The following ASIC2 variants were observed in gnomAD, a reference collection of about 807,000 sequenced individuals.
ASIC2 encodes the protein acid sensing ion channel subunit 2.
ASIC2 carries 25 observed loss-of-function variants against 57.3 expected under a neutral mutation model. The observed-to-expected ratio is 0.44, with a 90% CI of 0.32 to 0.61. ASIC2 has a LOEUF of 0.61. Ranked by LOEUF, ASIC2 falls within the 20% of genes least tolerant of loss-of-function variation. ASIC2 has a pLI of 0.06. For synonymous variants in ASIC2, 319 were observed against 307.5 expected, an observed-to-expected ratio of 1.04 and a Z score of -0.39; for missense variants, 641 against 738.1, an observed-to-expected ratio of 0.87 and a Z score of 1.52.
At chr17:33,796,621 C>T (rs1300826861) in intron 1 of ASIC2, among the ~76,000 whole-genome samples, 1 of 152,202 alleles carries the variant, frequency 6.6e-6, no homozygotes, top group Non-Finnish European at 1.5e-5. Context: ...TAACAACAGA[C>T]ACTCACACAT....
At chr17:33,610,757 C>T (rs973398826) in intron 1 of ASIC2, among the ~76,000 whole-genome samples, 3 of 151,814 alleles carry the variant, frequency 2.0e-5, no homozygotes, top group Non-Finnish European at 2.9e-5. Flanking sequence ...ATTAACCAGG[C>T]GTGGTGGTAC....
chr17:33,469,665 G>A (rs1013107345), intron 1 of ASIC2, among the ~76,000 whole-genome samples: 6 of 152,178 alleles, frequency 3.9e-5, no homozygotes, highest in Admixed American at 3.3e-4. Flanking sequence ...AGGAACAAGA[G>A]CTCCTGGAAT....
intron 1 of ASIC2, among the ~76,000 whole-genome samples, chr17:33,514,900 G>A (rs1914521741): frequency 6.6e-6 from 1 of 152,126 alleles, no homozygotes; most frequent in African/African-American, 2.4e-5. Flanking sequence ...GTCATCCCGT[G>A]TTATCCCCTG....
chr17:33,666,736 C>T (rs1445963412), intron 1 of ASIC2, among the ~76,000 whole-genome samples: 1 of 152,162 alleles, frequency 6.6e-6, no homozygotes, highest in Non-Finnish European at 1.5e-5. Context: ...GAGCAGAAAC[C>T]ATCCTATCTC....
At chr17:33,572,915 T>C (rs1916497852) in intron 1 of ASIC2, among the ~76,000 whole-genome samples, 1 of 152,222 alleles carries the variant, frequency 6.6e-6, no homozygotes, top group African/African-American at 2.4e-5. Flanking sequence ...GCACACTGCC[T>C]GTGACCTCAT....
chr17:33,423,246 C>G (rs1911105217), intron 1 of ASIC2, among the ~76,000 whole-genome samples: 1 of 152,098 alleles, frequency 6.6e-6, no homozygotes, highest in Non-Finnish European at 1.5e-5. Flanking sequence ...TTTAAATGTT[C>G]ACTGGGGATT....
intron 1 of ASIC2, among the ~76,000 whole-genome samples, chr17:33,621,437 G>A (rs1355249224): frequency 6.6e-6 from 1 of 152,228 alleles, no homozygotes; most frequent in African/African-American, 2.4e-5. Flanking sequence ...AGTCGCAGAT[G>A]TGTAAGGTCC....
At chr17:33,558,406 T>A (rs959209954) in intron 1 of ASIC2, among the ~76,000 whole-genome samples, 1 of 152,228 alleles carries the variant, frequency 6.6e-6, no homozygotes, top group Non-Finnish European at 1.5e-5. Flanking sequence ...TTCTGGCTGA[T>A]GACCTTGAAC....
intron 1 of ASIC2, among the ~76,000 whole-genome samples, chr17:33,284,049 A>G (rs1029629138): frequency 6.6e-6 from 1 of 152,238 alleles, no homozygotes; most frequent in Non-Finnish European, 1.5e-5. Flanking sequence ...AAATAAAATA[A>G]TGAATGTAAA....
chr17:33,372,494 C>T (rs1420809107), intron 1 of ASIC2, among the ~76,000 whole-genome samples: 2 of 152,164 alleles, frequency 1.3e-5, no homozygotes, highest in African/African-American at 4.8e-5. Flanking sequence ...GGGTGAGGGG[C>T]TGGTGGCCAC....
At chr17:34,132,383 G>A (rs529192388) in intron 1 of ASIC2, among the ~76,000 whole-genome samples, 78 of 152,278 alleles carry the variant, frequency 5.1e-4, no homozygotes, top group Non-Finnish European at 9.3e-4. Context: ...TAGACGGGTT[G>A]CGGCTGCTGG....
chr17:33,138,436 C>T (rs2092374276), intron 1 of ASIC2, among the ~76,000 whole-genome samples: 1 of 152,162 alleles, frequency 6.6e-6, no homozygotes, highest in Non-Finnish European at 1.5e-5. Flanking sequence ...AGAGATTACA[C>T]CCAGCAATTT....
At chr17:33,357,052 C>T (rs1186173870) in intron 1 of ASIC2, among the ~76,000 whole-genome samples, 1 of 904 alleles carries the variant, frequency 1.1e-3, no homozygotes, top group Non-Finnish European at 4.5e-3. Flanking sequence ...GCCCAGCAAC[C>T]TATGCTTTAA....
intron 1 of ASIC2, among the ~76,000 whole-genome samples, chr17:33,657,757 T>TA (rs34103812): frequency 0.39 from 39,929 of 103,354 alleles, 7,078 homozygotes; most frequent in Admixed American, 0.43. Flanking sequence ...TGGCAGTTTC[T>TA]AAAAAAAAAA....
chr17:34,151,810 C>T (rs1428061062), intron 1 of ASIC2, among the ~76,000 whole-genome samples: 1 of 152,122 alleles, frequency 6.6e-6, no homozygotes, highest in African/African-American at 2.4e-5. Context: ...AGGCACCTGC[C>T]ACATAGTAGG....
At chr17:33,239,419 C>T (rs1277381805) in intron 1 of ASIC2, among the ~76,000 whole-genome samples, 4 of 152,286 alleles carry the variant, frequency 2.6e-5, no homozygotes, top group East Asian at 1.9e-4. Flanking sequence ...CTGATTCCAT[C>T]TGATAGTCTG....
intron 1 of ASIC2, among the ~76,000 whole-genome samples, chr17:33,576,755 C>A (rs1334948200): frequency 7.1e-6 from 1 of 141,722 alleles, no homozygotes; most frequent in Non-Finnish European, 1.5e-5. Context: ...AATGCTATAC[C>A]TGGAGTATGG....
At chr17:33,182,301 G>A (rs1906018391) in intron 1 of ASIC2, among the ~76,000 whole-genome samples, 1 of 152,130 alleles carries the variant, frequency 6.6e-6, no homozygotes, top group Non-Finnish European at 1.5e-5. Flanking sequence ...TTTGACCTGA[G>A]CACCTGGAAA....
At chr17:34,094,238 C>T (rs1400462532) in intron 1 of ASIC2, among the ~76,000 whole-genome samples, 1 of 152,138 alleles carries the variant, frequency 6.6e-6, no homozygotes, top group East Asian at 1.9e-4. Flanking sequence ...GCAATCAATC[C>T]TTCCACTGGC....
Sources: allele counts gnomAD v4.1 joint callset (sites outside exome capture counted in the v4.1 genomes callset), GRCh38; gene constraint gnomAD v4.1.1; transcripts MANE v1.5; gene names NCBI Gene and HGNC (gene_info 2026-07-23, HGNC 2026-07-21).